The following TENM3 variants were observed in gnomAD, a reference collection of about 807,000 sequenced individuals.
TENM3 encodes the protein teneurin-3.
TENM3 carries 63 observed loss-of-function variants against 255.1 expected under a neutral mutation model. The observed-to-expected ratio is 0.25, with a 90% CI of 0.20 to 0.30. The LOEUF is 0.30. Among genes scored for constraint, TENM3 ranks in the 10% least tolerant of loss-of-function variants. The pLI is 1.00. For synonymous variants in TENM3, 1,306 were observed against 1,322.3 expected (o/e 0.99, Z 0.27); for missense variants, 2,929 against 3,461.1 (o/e 0.85, Z 3.86).
the TENM3 span, among the ~76,000 whole-genome samples, chr4:181,911,948 TA>T: frequency 6.6e-6 from 1 of 152,344 alleles, no homozygotes; most frequent in South Asian, 2.1e-4. Context: ...AGCAAATAAT[TA>T]TGGCCTACTA....
the TENM3 span, among the ~76,000 whole-genome samples, chr4:181,649,956 T>G: frequency 6.6e-6 from 1 of 152,140 alleles, no homozygotes; most frequent in African/African-American, 2.4e-5. Flanking sequence ...GGAGTTCTGG[T>G]AGGAGTGATT....
upstream of TENM3, among the ~76,000 whole-genome samples, chr4:182,242,742 C>T (rs1464688020): frequency 6.6e-6 from 1 of 152,188 alleles, no homozygotes. Context: ...GCCTGGGTGA[C>T]AGACTGAGGC....
At chr4:181,908,530 T>G in the TENM3 span, among the ~76,000 whole-genome samples, 1 of 152,192 alleles carries the variant, frequency 6.6e-6, no homozygotes, top group African/African-American at 2.4e-5. Context: ...TGATGAATGT[T>G]TTTAATTTTA....
chr4:182,775,959 T>C (rs749741269), intron 24 of TENM3, among the ~76,000 whole-genome samples: 6 of 148,588 alleles, frequency 4.0e-5, no homozygotes, highest in Non-Finnish European at 8.9e-5. Flanking sequence ...ATGTAGATGA[T>C]AGATAGATAG....
chr4:182,576,354 G>T (rs934114318), intron 3 of TENM3, among the ~76,000 whole-genome samples: 1 of 152,132 alleles, frequency 6.6e-6, no homozygotes, highest in African/African-American at 2.4e-5. Context: ...ACAAAGAAAG[G>T]TTTTGCTATT....
At chr4:182,766,134 A>T (rs1374788673) in intron 22 of TENM3, among the ~76,000 whole-genome samples, 2 of 152,182 alleles carry the variant, frequency 1.3e-5, no homozygotes, top group African/African-American at 2.4e-5. Flanking sequence ...TGTACGGCTG[A>T]ACAGGCACCA....
chr4:181,719,464 C>G, the TENM3 span, among the ~76,000 whole-genome samples: 5 of 152,120 alleles, frequency 3.3e-5, no homozygotes, highest in Non-Finnish European at 5.9e-5. Context: ...GATCAAAACA[C>G]CAGCCGATTC....
the TENM3 span, among the ~76,000 whole-genome samples, chr4:181,972,404 C>T: frequency 7.2e-6 from 1 of 138,356 alleles, no homozygotes; most frequent in African/African-American, 2.8e-5. Context: ...CACTGCACTC[C>T]AACCCGGATG....
chr4:181,875,877 A>G, the TENM3 span, among the ~76,000 whole-genome samples: 2 of 149,794 alleles, frequency 1.3e-5, no homozygotes, highest in South Asian at 2.1e-4. Context: ...ATGCCCAAAC[A>G]TCCCACAGAA....
intron 3 of TENM3, among the ~76,000 whole-genome samples, chr4:182,586,006 TG>T (rs1745986280): frequency 6.6e-6 from 1 of 152,198 alleles, no homozygotes; most frequent in African/African-American, 2.4e-5. Flanking sequence ...GTAATCCCAG[TG>T]CTTTGGGAGG....
chr4:182,409,789 C>A (rs986580170), intron 3 of TENM3, among the ~76,000 whole-genome samples: 3 of 151,862 alleles, frequency 2.0e-5, no homozygotes, highest in African/African-American at 7.2e-5. Context: ...ATATGATTAT[C>A]ATATTCCTTT....
chr4:182,431,167 A>G (rs1455110761), intron 3 of TENM3, among the ~76,000 whole-genome samples: 20 of 151,960 alleles, frequency 1.3e-4, no homozygotes, highest in Admixed American at 1.3e-3. Context: ...TAAGGTGATA[A>G]GGGTCTAGGT....
the TENM3 span, among the ~76,000 whole-genome samples, chr4:181,574,394 G>T: frequency 5.3e-5 from 8 of 151,822 alleles, 1 homozygote; most frequent in Admixed American, 5.2e-4. Flanking sequence ...AGCCGGGCGC[G>T]GTGGCGGGCG....
intron 1 of TENM3, among the ~76,000 whole-genome samples, chr4:182,174,843 A>G (rs1163747830): frequency 1.3e-5 from 2 of 152,180 alleles, no homozygotes; most frequent in Non-Finnish European, 2.9e-5. Context: ...AAGAATGTCT[A>G]AAGGGAAGGG....
At chr4:181,744,122 AATCCATC>A in the TENM3 span, among the ~76,000 whole-genome samples, 1 of 152,094 alleles carries the variant, frequency 6.6e-6, no homozygotes, top group Non-Finnish European at 1.5e-5. Context: ...ACAGCTTCCA[AATCCATC>A]CATGTCGCTG....
chr4:182,396,749 G>A (rs1768844945), intron 3 of TENM3, among the ~76,000 whole-genome samples: 2 of 151,948 alleles, frequency 1.3e-5, no homozygotes, highest in African/African-American at 4.8e-5. Context: ...ATCGCCTGAG[G>A]TCAGGAGTTC....
chr4:182,023,152 C>T, the TENM3 span, among the ~76,000 whole-genome samples: 3 of 152,104 alleles, frequency 2.0e-5, no homozygotes, highest in Non-Finnish European at 2.9e-5. Context: ...ATGGCATGAA[C>T]GTTATTCTTG....
At chr4:182,666,466 A>T (rs1191255736) in intron 6 of TENM3, among the ~76,000 whole-genome samples, 3 of 152,238 alleles carry the variant, frequency 2.0e-5, no homozygotes, top group Non-Finnish European at 4.4e-5. Context: ...ACCTTCAGCA[A>T]CCACCACCTT....
chr4:181,791,273 A>G, the TENM3 span, among the ~76,000 whole-genome samples: 1 of 152,206 alleles, frequency 6.6e-6, no homozygotes, highest in African/African-American at 2.4e-5. Context: ...CCACATTTAT[A>G]TGATACATTT....
Sources: allele counts gnomAD v4.1 joint callset (sites outside exome capture counted in the v4.1 genomes callset), GRCh38; gene constraint gnomAD v4.1.1; transcripts MANE v1.5; gene names NCBI Gene and HGNC (gene_info 2026-07-23, HGNC 2026-07-21).